GRXCR1: variants seen among roughly 807,000 people sequenced by gnomAD.
GRXCR1 encodes the protein glutaredoxin domain-containing cysteine-rich protein 1.
A neutral mutation model predicts 27.3 loss-of-function variants in GRXCR1; 27 were observed. That is an observed-to-expected ratio of 0.99 (90% CI 0.73 to 1.37). GRXCR1 has a LOEUF of 1.37. Among genes scored for constraint, GRXCR1 ranks in the 40% most tolerant of loss-of-function variants. GRXCR1 has a pLI of 0.00. For synonymous variants in GRXCR1, 122 were observed against 131.1 expected, an observed-to-expected ratio of 0.93 and a Z score of 0.47; for missense variants, 379 against 354.4, an observed-to-expected ratio of 1.07 and a Z score of -0.56.
intron 2 of GRXCR1, among the ~76,000 whole-genome samples, chr4:42,996,819 A>G (rs1240464764): frequency 6.6e-6 from 1 of 151,878 alleles, no homozygotes; most frequent in Non-Finnish European, 1.5e-5. Flanking sequence ...TATAAATTTT[A>G]TGTTAATATT....
intron 1 of GRXCR1, among the ~76,000 whole-genome samples, chr4:42,958,822 C>A (rs1037002292): frequency 6.6e-6 from 1 of 151,854 alleles, no homozygotes; most frequent in African/African-American, 2.4e-5. Flanking sequence ...AAGTGCTCAA[C>A]ATCAATAATA....
chr4:42,924,305 GTGTGTGTGTT>G (rs1747091886), intron 1 of GRXCR1, among the ~76,000 whole-genome samples: 6 of 152,084 alleles, frequency 3.9e-5, no homozygotes. Flanking sequence ...ACACACATAT[GTGTGTGTGTT>G]TGTATGCATG....
At chr4:42,909,841 C>T (rs1394009677) in intron 1 of GRXCR1, among the ~76,000 whole-genome samples, 2 of 151,986 alleles carry the variant, frequency 1.3e-5, no homozygotes, top group East Asian at 1.9e-4. Flanking sequence ...AGCCTGAGTC[C>T]CTCTCAAAAG....
chr4:42,972,580 A>G (rs574877294), intron 2 of GRXCR1, among the ~76,000 whole-genome samples: 1 of 152,296 alleles, frequency 6.6e-6, no homozygotes, highest in East Asian at 1.9e-4. Flanking sequence ...AATGATAGTA[A>G]AAGCTAATTT....
chr4:43,021,263 G>T (rs920447790), intron 3 of GRXCR1, among the ~76,000 whole-genome samples: 1 of 152,042 alleles, frequency 6.6e-6, no homozygotes, highest in African/African-American at 2.4e-5. Flanking sequence ...TGTCTGCCTA[G>T]AATGATATTG....
rs368376641 is a variant in GRXCR1 at position 42,936,115 on chromosome 4, G to A, written c.385-26777G>A. Among the ~76,000 whole-genome samples, 70 of 151,976 alleles carry A rather than the reference G, an allele frequency of 4.6e-4. 2 individuals are homozygous for A. In the South Asian group the frequency reaches 0.011, roughly 23 times the overall value. On this transcript the variant is annotated intron_variant, in intron 1 of 3. Coordinates refer to ENST00000399770, the MANE Select transcript of GRXCR1 (RefSeq NM_001080476.3). Reference sequence around the variant, plus strand: ...TTATGTTAATTTGGGCAACAAGGAGGAACAGGTGAGAATTATCCCTCTTTG... The same window carrying A: ...TTATGTTAATTTGGGCAACAAGGAGAAACAGGTGAGAATTATCCCTCTTTG...
intron 2 of GRXCR1, among the ~76,000 whole-genome samples, chr4:42,966,863 G>C (rs1045351855): frequency 6.6e-6 from 1 of 151,954 alleles, no homozygotes; most frequent in African/African-American, 2.4e-5. Flanking sequence ...GTCTGTTAAG[G>C]TCTTTGGCTC....
intron 3 of GRXCR1, among the ~76,000 whole-genome samples, chr4:43,022,057 C>G (rs140893778): frequency 5.9e-5 from 9 of 152,108 alleles, no homozygotes; most frequent in Non-Finnish European, 1.2e-4. Flanking sequence ...CTATTTATTT[C>G]TTTCTGTTCT....
chr4:43,019,927 A>C (rs1296171923), intron 2 of GRXCR1, among the ~76,000 whole-genome samples: 1 of 152,194 alleles, frequency 6.6e-6, no homozygotes, highest in Non-Finnish European at 1.5e-5. Context: ...CTATCTTTAC[A>C]TGCATGGCTG....
intron 1 of GRXCR1, among the ~76,000 whole-genome samples, chr4:42,928,705 C>A (rs995474694): frequency 5.3e-5 from 8 of 151,960 alleles, no homozygotes; most frequent in Non-Finnish European, 1.2e-4. Context: ...GGGCCACAGC[C>A]TTTACTGGTG....
At chr4:43,003,924 G>A (rs867155578) in intron 2 of GRXCR1, among the ~76,000 whole-genome samples, 27 of 152,222 alleles carry the variant, frequency 1.8e-4, no homozygotes, top group Admixed American at 1.3e-3. Flanking sequence ...AGAAATTTAC[G>A]TAAGTAAAGA....
intron 1 of GRXCR1, among the ~76,000 whole-genome samples, chr4:42,903,123 C>T (rs1416261991): frequency 6.6e-6 from 1 of 152,084 alleles, no homozygotes; most frequent in Non-Finnish European, 1.5e-5. Context: ...ATTTGCCTCT[C>T]TCAGTGCCTG....
chr4:42,935,431 G>T (rs1201741019), intron 1 of GRXCR1, among the ~76,000 whole-genome samples: 2 of 151,892 alleles, frequency 1.3e-5, no homozygotes, highest in South Asian at 2.1e-4. Context: ...AGAGGGGAAA[G>T]AAATGATTAG....
chr4:43,021,236 C>G (rs1161057089), intron 3 of GRXCR1, among the ~76,000 whole-genome samples: 1 of 152,108 alleles, frequency 6.6e-6, no homozygotes, highest in East Asian at 1.9e-4. Context: ...ACTACTATCC[C>G]TTTGTGCAAG....
intron 1 of GRXCR1, among the ~76,000 whole-genome samples, chr4:42,950,484 C>T (rs780490786): frequency 1.9e-4 from 29 of 152,038 alleles, no homozygotes; most frequent in Non-Finnish European, 2.9e-4. Flanking sequence ...TGTAAAATGC[C>T]AATACATAGC....
chr4:42,972,727 C>T (rs1748418197), intron 2 of GRXCR1, among the ~76,000 whole-genome samples: 1 of 152,118 alleles, frequency 6.6e-6, no homozygotes, highest in Admixed American at 6.5e-5. Flanking sequence ...AGCTAAGACA[C>T]TATTTAATCA....
At chr4:43,025,913 T>C (rs1188882484) in intron 3 of GRXCR1, among the ~76,000 whole-genome samples, 1 of 151,168 alleles carries the variant, frequency 6.6e-6, no homozygotes, top group East Asian at 1.9e-4. Context: ...GAGGCAGAGC[T>C]TGCAGTGAGC....
intron 1 of GRXCR1, among the ~76,000 whole-genome samples, chr4:42,921,428 GA>G (rs1225539866): frequency 6.6e-6 from 1 of 152,004 alleles, no homozygotes; most frequent in Non-Finnish European, 1.5e-5. Flanking sequence ...TCTAAATTTG[GA>G]AATTCAGAAC....
At chr4:42,984,335 A>G (rs1021192777) in intron 2 of GRXCR1, among the ~76,000 whole-genome samples, 1 of 152,102 alleles carries the variant, frequency 6.6e-6, no homozygotes, top group African/African-American at 2.4e-5. Context: ...AAGTTCACTG[A>G]GATTCCTTAA....
Sources: gnomAD v4.1 joint callset for allele counts (sites outside exome capture counted in the v4.1 genomes callset) on GRCh38, gnomAD v4.1.1 for gene constraint, MANE v1.5 for transcripts, NCBI Gene and HGNC (gene_info 2026-07-23, HGNC 2026-07-21) for gene names.